Variants in NXN observed in about 807,000 individuals in gnomAD.
NXN encodes the protein nucleoredoxin 1.
NXN carries 16 observed loss-of-function variants against 48.6 expected under a neutral mutation model. The observed-to-expected ratio is 0.33, with a 90% CI of 0.22 to 0.50. The LOEUF is 0.50. Among genes scored for constraint, NXN ranks in the 20% least tolerant of loss-of-function variants. The probability of loss-of-function intolerance (pLI) is 0.98; values close to 1 mark genes in which losing one functional copy is unlikely to be tolerated. For synonymous variants in NXN, 281 were observed against 269.6 expected, an observed-to-expected ratio of 1.04 and a Z score of -0.41; for missense variants, 492 against 605.5, an observed-to-expected ratio of 0.81 and a Z score of 1.97.
intron 1 of NXN, among the ~76,000 whole-genome samples, chr17:955,158 CTTTCT>C (rs1003800390): frequency 2.8e-5 from 4 of 142,608 alleles, no homozygotes; most frequent in African/African-American, 1.1e-4. Flanking sequence ...ATGCTCATCT[CTTTCT>C]TTTTTTTTTT....
At chr17:858,297 G>A (rs1023321433) in intron 1 of NXN, among the ~76,000 whole-genome samples, 4 of 152,076 alleles carry the variant, frequency 2.6e-5, no homozygotes, top group Non-Finnish European at 5.9e-5. Context: ...GGGATTACAG[G>A]CATGAGCCAC....
At chr17:809,868 T>C (rs75388143) in intron 5 of NXN, among the ~76,000 whole-genome samples, 24,833 of 128,384 alleles carry the variant, frequency 0.19, 3,469 homozygotes, top group East Asian at 0.3. Flanking sequence ...ACCTTACGAG[T>C]CAGTGTGAGT....
intron 1 of NXN, among the ~76,000 whole-genome samples, chr17:964,694 G>A (rs2069281356): frequency 6.6e-6 from 1 of 152,084 alleles, no homozygotes; most frequent in Admixed American, 6.6e-5. Context: ...GTAACTTTAG[G>A]TGGTCAAAGA....
chr17:812,148 C>A (rs11247560), intron 5 of NXN, among the ~76,000 whole-genome samples: 1 of 150,004 alleles, frequency 6.7e-6, no homozygotes, highest in African/African-American at 2.5e-5. Flanking sequence ...AGGACGGTCT[C>A]GATCTCCTGA....
At chr17:875,090 G>A (rs955014039) in intron 1 of NXN, among the ~76,000 whole-genome samples, 2 of 151,426 alleles carry the variant, frequency 1.3e-5, no homozygotes, top group African/African-American at 4.9e-5. Context: ...GGAGCGCAGT[G>A]GCACAATCTC....
At chr17:905,243 C>G (rs2068571926) in intron 1 of NXN, 1 of 138,146 alleles carries the variant, frequency 7.2e-6, no homozygotes, top group African/African-American at 2.5e-5. Flanking sequence ...AAGACCCTGT[C>G]TGTAAATGTA....
At position 934,971 on chromosome 17, in the gene NXN, G is replaced by A. The variant is rs182202239; in HGVS notation, c.360+44348C>T. On this transcript the variant is annotated intron_variant, in intron 1 of 7. Coordinates refer to ENST00000336868, the MANE Select transcript of NXN (RefSeq NM_022463.5). ...CCACTCATTATTGCATCATTTTGCT[G>A]TGCTCTTTATTTTTTTTTATTTATT... 1.2e-3 allele frequency among the ~76,000 whole-genome samples: 171 copies of A among 145,438 alleles called. 3 individuals are homozygous for A. In the East Asian group the frequency reaches 0.029, roughly 24 times the overall value.
Position 948,214 on chromosome 17 carries a change from A to G in NXN, c.360+31105T>C, listed in dbSNP as rs188657268. Among the ~76,000 whole-genome samples, 255 of 152,316 alleles carry G rather than the reference A, an allele frequency of 1.7e-3. 5 individuals are homozygous for G. Among genetic ancestry groups the G allele is most frequent in the African/African-American group, 5.7e-3 (238 of 41,562 alleles). ...TTGTATTAGGAATTATAAGTAATCTAGAGGTAATTTACAGTACACAGGATT... is the reference window on the plus strand; with the variant it reads ...TTGTATTAGGAATTATAAGTAATCTGGAGGTAATTTACAGTACACAGGATT... On this transcript the variant is annotated intron_variant, in intron 1 of 7. Transcript: ENST00000336868.
chr17:847,010 T>C lies in NXN; in HGVS notation c.361-20932A>G, dbSNP rs558465511. On this transcript the variant is annotated intron_variant, in intron 1 of 7. Transcript: ENST00000336868. ...ATGAGGAATGTGACTACGTAGCGCC[T>C]ACCGCCCCAAATGCTATTATAAATT... is the stretch of plus-strand genomic sequence containing the variant. Among the ~76,000 whole-genome samples, 128 of 152,264 alleles carry C rather than the reference T, an allele frequency of 8.4e-4. 1 individual carries two copies. The highest frequency in any genetic ancestry group is 8.8e-5 in the Non-Finnish European group (6 of 68,018).
intron 1 of NXN, among the ~76,000 whole-genome samples, chr17:955,796 G>A (rs375315704): frequency 9.2e-5 from 14 of 152,062 alleles, no homozygotes; most frequent in Admixed American, 4.6e-4. Flanking sequence ...CAGCAACTCG[G>A]GAGGCTGAGG....
chr17:873,383 G>C (rs756420609), intron 1 of NXN, among the ~76,000 whole-genome samples: 5 of 151,478 alleles, frequency 3.3e-5, no homozygotes, highest in Admixed American at 6.6e-5. Context: ...TGTAATCCCA[G>C]CTACCTGGGA....
intron 1 of NXN, among the ~76,000 whole-genome samples, chr17:953,947 T>C (rs951064461): frequency 3.3e-5 from 5 of 152,158 alleles, no homozygotes; most frequent in African/African-American, 1.2e-4. Flanking sequence ...TGCATGCACG[T>C]GGTCGTGTGG....
intron 1 of NXN, among the ~76,000 whole-genome samples, chr17:959,749 G>A (rs896435924): frequency 1.3e-5 from 2 of 150,058 alleles, no homozygotes; most frequent in African/African-American, 4.9e-5. Flanking sequence ...ATCTTAGATC[G>A]CGCCACCACA....
chr17:810,024 G>C (rs1416765255), intron 5 of NXN, among the ~76,000 whole-genome samples: 15 of 143,942 alleles, frequency 1.0e-4, no homozygotes, highest in Non-Finnish European at 1.3e-4. Context: ...TGGCGTGCAC[G>C]TTAAGAGTCC....
intron 1 of NXN, among the ~76,000 whole-genome samples, chr17:897,942 A>G (rs1272668357): frequency 6.6e-6 from 1 of 152,174 alleles, no homozygotes; most frequent in African/African-American, 2.4e-5. Flanking sequence ...CGGCCTCCCG[A>G]AGTGCTGGGA....
intron 1 of NXN, among the ~76,000 whole-genome samples, chr17:963,957 A>G (rs333632): frequency 6.6e-5 from 10 of 152,062 alleles, no homozygotes; most frequent in African/African-American, 9.7e-5. Flanking sequence ...GGCGCCTGTA[A>G]TCCCAGCACT....
At chr17:857,009 G>GT (rs1378738920) in intron 1 of NXN, among the ~76,000 whole-genome samples, 1 of 152,098 alleles carries the variant, frequency 6.6e-6, no homozygotes, top group Non-Finnish European at 1.5e-5. Context: ...TCAGGTATCA[G>GT]TTACAGCAGC....
chr17:889,737 A>AG (rs1567850276), intron 1 of NXN, among the ~76,000 whole-genome samples: 2 of 74,958 alleles, frequency 2.7e-5, no homozygotes, highest in African/African-American at 1.5e-4. Flanking sequence ...GAAAGAAAGA[A>AG]AGAAAGAAAG....
chr17:895,203 G>GT (rs1433548154), intron 1 of NXN, among the ~76,000 whole-genome samples: 2 of 151,088 alleles, frequency 1.3e-5, no homozygotes, highest in African/African-American at 4.9e-5. Flanking sequence ...TTTTAGTAGA[G>GT]ACGGGGCTTC....
Sources: allele counts gnomAD v4.1 joint callset (sites outside exome capture counted in the v4.1 genomes callset), GRCh38; gene constraint gnomAD v4.1.1; transcripts MANE v1.5; gene names NCBI Gene and HGNC (gene_info 2026-07-23, HGNC 2026-07-21).